FRMPD4: variants seen among roughly 807,000 people sequenced by gnomAD.
FRMPD4 encodes the protein FERM and PDZ domain containing 4.
A neutral mutation model predicts 94.1 loss-of-function variants in FRMPD4; 22 were observed. The ratio of observed to expected loss-of-function variants is 0.23; its 90% CI spans 0.17 to 0.33. FRMPD4 has a LOEUF of 0.33. FRMPD4 is among the 10% of genes least tolerant of loss of function. FRMPD4 has a pLI of 1.00. For missense variants in FRMPD4, 1,111 were observed against 1,339.9 expected (o/e 0.83, Z 2.67); for synonymous variants, 631 against 548.6 (o/e 1.15, Z -2.10).
rs141023172 is a variant in FRMPD4, at chrX:12,717,273, A to G, written c.2674+140A>G. 1.9e-3 allele frequency: 923 copies of G among 473,718 alleles called. 5 individuals carry two copies. In the African/African-American group the frequency reaches 0.02, roughly 10 times the overall value. 39.0% of individuals were successfully genotyped at this position (473,718 alleles called of 1,213,427 possible). A position where few individuals can be genotyped will look rare whatever the true frequency, so the allele number is the denominator to read the frequency against. ...TCATAAATGTGCTGAAACTGCCATC[A>G]TGGGTTTTTTTGTGTGTATGTGATT... On this transcript the variant is annotated intron_variant, in intron 15 of 16. Coordinates refer to ENST00000675598, the MANE Select transcript of FRMPD4 (RefSeq NM_001368397.1).
chrX:12,526,884 G>C (rs1189848053), intron 2 of FRMPD4, among the ~76,000 whole-genome samples: 1 of 111,898 alleles, frequency 8.9e-6, no homozygotes, highest in African/African-American at 3.3e-5. Flanking sequence ...CTCACAGGTG[G>C]TGCTTGTTAA....
intron 4 of FRMPD4, among the ~76,000 whole-genome samples, chrX:12,624,898 T>TTAA (rs199610446): frequency 0.042 from 4,662 of 110,242 alleles, 302 homozygotes; most frequent in African/African-American, 0.15. Flanking sequence ...TGACAAGGGA[T>TTAA]TAATAATAAT....
chrX:11,834,267 A>G (rs953391488), intron 1 of FRMPD4, among the ~76,000 whole-genome samples: 11 of 111,876 alleles, frequency 9.8e-5, no homozygotes, highest in African/African-American at 3.6e-4. Flanking sequence ...CCAAGGACCC[A>G]GTTCATTTCG....
At chrX:12,266,132 C>CAAAAAAAA (rs3990340) in intron 1 of FRMPD4, among the ~76,000 whole-genome samples, 5 of 25,755 alleles carry the variant, frequency 1.9e-4, no homozygotes, top group Non-Finnish European at 2.2e-4. Flanking sequence ...GACTCCGTCT[C>CAAAAAAAA]AAAAAAAAAA....
intron 2 of FRMPD4, among the ~76,000 whole-genome samples, chrX:11,867,869 C>A (rs777443428): frequency 9.0e-6 from 1 of 111,397 alleles, no homozygotes; most frequent in African/African-American, 3.3e-5. Context: ...CACATTTCCA[C>A]GTTTCCAAGA....
intron 2 of FRMPD4, among the ~76,000 whole-genome samples, chrX:12,593,567 T>A (rs187950888): frequency 1.8e-5 from 2 of 112,308 alleles, no homozygotes; most frequent in East Asian, 5.5e-4. Context: ...CTATCAATTG[T>A]TTATTGGATC....
At chrX:12,635,303 G>T (rs951032367) in intron 4 of FRMPD4, among the ~76,000 whole-genome samples, 4 of 111,862 alleles carry the variant, frequency 3.6e-5, no homozygotes, top group African/African-American at 6.5e-5. Context: ...GGTGGAGCTG[G>T]TGAGGCACAA....
In FRMPD4 at chrX:11,920,550, C is replaced by T. The variant is rs2054049413; in HGVS notation, c.95+42532C>T. Among the ~76,000 whole-genome samples, 3 of 112,210 alleles carry T rather than the reference C, an allele frequency of 2.7e-5. No individual in the cohort carries two copies. The South Asian group carries it at 1.1e-3, about 42-fold the overall frequency. ...CTGAGACATACTAAGCTTTAACCTC[C>T]CCTTAGGAGGAACTTTTTCAGTTTC... On this transcript the variant is annotated intron_variant, in intron 3 of 18. Transcript: ENST00000640291.
intron 1 of FRMPD4, among the ~76,000 whole-genome samples, chrX:12,461,340 G>T (rs919422483): frequency 2.7e-5 from 3 of 112,185 alleles, no homozygotes; most frequent in Non-Finnish European, 5.6e-5. Flanking sequence ...CAAGAGAAGG[G>T]AAAGAACTTT....
chrX:12,428,764 C>T (rs1288225896), intron 1 of FRMPD4, among the ~76,000 whole-genome samples: 1 of 111,298 alleles, frequency 9.0e-6, no homozygotes, highest in African/African-American at 3.3e-5. Flanking sequence ...CATCTGATTT[C>T]CTCTGATTTC....
intron 3 of FRMPD4, among the ~76,000 whole-genome samples, chrX:11,908,513 C>T (rs1173344292): frequency 8.9e-6 from 1 of 112,037 alleles, no homozygotes; most frequent in African/African-American, 3.2e-5. Context: ...ATTTGACTGG[C>T]GACACTTGTG....
chrX:12,550,884 A>G (rs2148329410), intron 2 of FRMPD4, among the ~76,000 whole-genome samples: 1 of 109,372 alleles, frequency 9.1e-6, no homozygotes, highest in East Asian at 2.8e-4. Flanking sequence ...CCATATTAAT[A>G]TATTCCCTTT....
At chrX:12,464,628 T>C (rs1023719629) in intron 1 of FRMPD4, among the ~76,000 whole-genome samples, 2 of 112,102 alleles carry the variant, frequency 1.8e-5, no homozygotes, top group African/African-American at 6.5e-5. Context: ...GGATCCATTC[T>C]AACCATTTAG....
chrX:11,941,177 C>T lies in FRMPD4; in HGVS notation c.95+63159C>T, dbSNP rs1309601806. 5.5e-5 allele frequency among the ~76,000 whole-genome samples: 3 copies of T among 54,528 alleles called. 1 individual carries two copies. Among genetic ancestry groups the T allele is most frequent in the Admixed American group, 2.5e-4 (1 of 4,057 alleles). 47.4% of individuals were successfully genotyped at this position (54,528 alleles called of 115,157 possible). A position where few individuals can be genotyped will look rare whatever the true frequency, so the allele number is the denominator to read the frequency against. On this transcript the variant is annotated intron_variant, in intron 3 of 18. Coordinates refer to the FRMPD4 transcript ENST00000640291. ...CACGGTGCGCACACACACTGGCCTGCGCCCACTGTCTGGCACTCCCTAGTG... is the reference window on the plus strand; with the variant it reads ...CACGGTGCGCACACACACTGGCCTGTGCCCACTGTCTGGCACTCCCTAGTG...
chrX:12,396,845 G>A (rs1189363352), intron 1 of FRMPD4, among the ~76,000 whole-genome samples: 4 of 111,896 alleles, frequency 3.6e-5, no homozygotes, highest in African/African-American at 9.8e-5. Context: ...AGAGAAAACT[G>A]ATTAGCTCAT....
At chrX:12,457,716 A>T (rs768663828) in intron 1 of FRMPD4, among the ~76,000 whole-genome samples, 1 of 112,168 alleles carries the variant, frequency 8.9e-6, no homozygotes, top group South Asian at 3.8e-4. Context: ...TACGTTAAAG[A>T]ACCCAGCAAA....
rs772877608 is a variant in FRMPD4 at position 12,116,264 on chromosome X, T to TTC, written c.95+238260_95+238261dup. On this transcript the variant is annotated intron_variant, in intron 3 of 18. Coordinates refer to the FRMPD4 transcript ENST00000640291. ...CCAAACATGCCAAGCCCTTTCAACC[T>TTC]TCTCTCTCTCTCTCTTTCTCTCTTT... is the stretch of plus-strand genomic sequence containing the variant. 5.4e-4 allele frequency among the ~76,000 whole-genome samples: 60 copies of TTC among 111,832 alleles called. 1 individual carries two copies. The South Asian group carries it at 0.021, about 39-fold the overall frequency.
intron 2 of FRMPD4, among the ~76,000 whole-genome samples, chrX:12,542,083 A>C (rs2058420495): frequency 8.9e-6 from 1 of 112,182 alleles, no homozygotes; most frequent in Non-Finnish European, 1.9e-5. Flanking sequence ...TTGATGGAAC[A>C]TATCTAAAAA....
chrX:12,507,620 A>G lies in FRMPD4; in HGVS notation c.158+8824A>G, dbSNP rs73438761. Among the ~76,000 whole-genome samples the G allele has an allele frequency of 3.5e-3, 396 of 112,104 alleles. 1 individual carries two copies. The highest frequency in any genetic ancestry group is 0.012 in the African/African-American group (378 of 30,871). On this transcript the variant is annotated intron_variant, in intron 2 of 16. Transcript: ENST00000675598. Reference sequence around the variant, plus strand: ...TTTTATGTTTGAAAGAAACTAGGGCAGAGATTAGTAAAATGACTTTTCTGA... The same window carrying G: ...TTTTATGTTTGAAAGAAACTAGGGCGGAGATTAGTAAAATGACTTTTCTGA...
Sources: allele counts gnomAD v4.1 joint callset (sites outside exome capture counted in the v4.1 genomes callset), GRCh38; gene constraint gnomAD v4.1.1; transcripts MANE v1.5; gene names NCBI Gene and HGNC (gene_info 2026-07-23, HGNC 2026-07-21).